The following CNTNAP2 variants were observed in gnomAD, a reference collection of about 807,000 sequenced individuals.
CNTNAP2 encodes the protein contactin associated protein 2, also known as contactin-associated protein-like 2.
CNTNAP2 carries 98 observed loss-of-function variants against 155.2 expected under a neutral mutation model. The observed-to-expected ratio is 0.63, with a 90% CI of 0.54 to 0.75. CNTNAP2 has a LOEUF of 0.75. Among genes scored for constraint, CNTNAP2 ranks in the 30% least tolerant of loss-of-function variants. The pLI is 0.00. For synonymous variants in CNTNAP2, 651 were observed against 631.2 expected (o/e 1.03, Z -0.47); for missense variants, 1,727 against 1,688.1 (o/e 1.02, Z -0.40).
At chr7:147,361,757 A>C (rs1299310052) in intron 9 of CNTNAP2, among the ~76,000 whole-genome samples, 1 of 152,186 alleles carries the variant, frequency 6.6e-6, no homozygotes, top group Non-Finnish European at 1.5e-5. Flanking sequence ...AACTTACTCA[A>C]TAAGATAAGA....
intron 11 of CNTNAP2, among the ~76,000 whole-genome samples, chr7:147,495,294 A>T (rs1267338355): frequency 1.3e-5 from 2 of 152,196 alleles, no homozygotes; most frequent in African/African-American, 4.8e-5. Context: ...TATTCAAAAA[A>T]TTTTGAATTG....
At chr7:147,462,267 G>A (rs866842023) in intron 10 of CNTNAP2, among the ~76,000 whole-genome samples, 1 of 152,136 alleles carries the variant, frequency 6.6e-6, no homozygotes, top group Non-Finnish European at 1.5e-5. Context: ...AACACTTCCT[G>A]CATTGCACGG....
intron 21 of CNTNAP2, among the ~76,000 whole-genome samples, chr7:148,286,741 G>A (rs1331451427): frequency 6.6e-6 from 1 of 152,162 alleles, no homozygotes; most frequent in African/African-American, 2.4e-5. Flanking sequence ...CTATCGTGTG[G>A]ATTAATAGTT....
chr7:146,446,762 A>G (rs1276207203), intron 1 of CNTNAP2, among the ~76,000 whole-genome samples: 1 of 152,060 alleles, frequency 6.6e-6, no homozygotes, highest in Non-Finnish European at 1.5e-5. Context: ...AGAGAAATCT[A>G]CTTGAAATAT....
intron 18 of CNTNAP2, among the ~76,000 whole-genome samples, chr7:148,175,162 G>A (rs1033796769): frequency 1.3e-5 from 2 of 152,112 alleles, no homozygotes; most frequent in South Asian, 4.2e-4. Context: ...ATCATTGATG[G>A]GCATTTGGGA....
intron 12 of CNTNAP2, among the ~76,000 whole-genome samples, chr7:147,620,558 GAATC>G (rs1174656263): frequency 3.3e-5 from 5 of 150,606 alleles, no homozygotes; most frequent in South Asian, 2.1e-4. Context: ...GAATTAAAAA[GAATC>G]AAGCAGAAAT....
chr7:146,409,135 G>A (rs553353150), intron 1 of CNTNAP2, among the ~76,000 whole-genome samples: 1 of 152,082 alleles, frequency 6.6e-6, no homozygotes, highest in African/African-American at 2.4e-5. Flanking sequence ...AACTCTACTT[G>A]GGGAATGTAA....
chr7:146,564,889 C>T (rs749772525), intron 1 of CNTNAP2, among the ~76,000 whole-genome samples: 2 of 151,960 alleles, frequency 1.3e-5, no homozygotes, highest in Admixed American at 6.6e-5. Flanking sequence ...AAAGTATGAT[C>T]TCTTATTATA....
intron 3 of CNTNAP2, among the ~76,000 whole-genome samples, chr7:146,870,526 T>C (rs1297972047): frequency 3.3e-5 from 5 of 152,186 alleles, no homozygotes; most frequent in Non-Finnish European, 5.9e-5. Flanking sequence ...GACAAGATAC[T>C]AACTTTCAAT....
intron 8 of CNTNAP2, among the ~76,000 whole-genome samples, chr7:147,213,239 A>G (rs928166703): frequency 2.0e-5 from 3 of 152,140 alleles, no homozygotes; most frequent in Non-Finnish European, 4.4e-5. Flanking sequence ...CTCAAACAGA[A>G]GCAAATTCAC....
At chr7:146,393,493 A>G (rs1250807955) in intron 1 of CNTNAP2, among the ~76,000 whole-genome samples, 1 of 152,138 alleles carries the variant, frequency 6.6e-6, no homozygotes, top group African/African-American at 2.4e-5. Flanking sequence ...AGTGGGGATG[A>G]ATTATGGTTC....
At chr7:147,309,910 G>A (rs1358652217) in intron 9 of CNTNAP2, among the ~76,000 whole-genome samples, 2 of 151,834 alleles carry the variant, frequency 1.3e-5, no homozygotes, top group African/African-American at 2.4e-5. Flanking sequence ...TTTCTATTAT[G>A]AGAATATCAA....
intron 1 of CNTNAP2, among the ~76,000 whole-genome samples, chr7:146,242,924 G>A (rs1404666708): frequency 6.6e-6 from 1 of 151,500 alleles, no homozygotes; most frequent in Non-Finnish European, 1.5e-5. Context: ...GAAGCTGGAT[G>A]AGCTGCAAAT....
At chr7:146,603,988 A>G (rs1400914123) in intron 1 of CNTNAP2, among the ~76,000 whole-genome samples, 1 of 123,318 alleles carries the variant, frequency 8.1e-6, no homozygotes, top group East Asian at 2.2e-4. Flanking sequence ...AAACCTAGGC[A>G]TTACCATTCA....
intron 21 of CNTNAP2, among the ~76,000 whole-genome samples, chr7:148,270,835 T>A (rs1481555081): frequency 6.6e-6 from 1 of 152,196 alleles, no homozygotes; most frequent in Admixed American, 6.5e-5. Flanking sequence ...AGCATTGAAA[T>A]CTTGACCATG....
intron 13 of CNTNAP2, among the ~76,000 whole-genome samples, chr7:147,716,298 C>T (rs566212808): frequency 6.6e-6 from 1 of 152,004 alleles, no homozygotes; most frequent in South Asian, 2.1e-4. Flanking sequence ...GTTTAATAAG[C>T]GAAAGAAAGA....
intron 12 of CNTNAP2, among the ~76,000 whole-genome samples, chr7:147,565,119 A>C (rs1446319550): frequency 6.6e-6 from 1 of 152,208 alleles, no homozygotes; most frequent in African/African-American, 2.4e-5. Flanking sequence ...CTATGTCATG[A>C]AAAATTATAA....
At chr7:147,548,738 G>A (rs189325227) in intron 11 of CNTNAP2, among the ~76,000 whole-genome samples, 7 of 152,118 alleles carry the variant, frequency 4.6e-5, no homozygotes, top group Admixed American at 4.6e-4. Context: ...TTATGATTTT[G>A]GGTTTTAAAT....
intron 2 of CNTNAP2, among the ~76,000 whole-genome samples, chr7:146,817,037 C>T (rs1196357988): frequency 6.6e-6 from 1 of 152,134 alleles, no homozygotes; most frequent in East Asian, 1.9e-4. Flanking sequence ...ATGAAAATCT[C>T]ACAGAAAATA....
Sources: allele counts gnomAD v4.1 joint callset (sites outside exome capture counted in the v4.1 genomes callset), GRCh38; gene constraint gnomAD v4.1.1; transcripts MANE v1.5; gene names NCBI Gene and HGNC (gene_info 2026-07-23, HGNC 2026-07-21).